Variants in EXOC4 observed in about 807,000 individuals in gnomAD.
The protein encoded by EXOC4 is SEC8-like 1.
EXOC4 carries 71 observed loss-of-function variants against 107.2 expected under a neutral mutation model. That is an observed-to-expected ratio of 0.66 (90% CI 0.55 to 0.81). The LOEUF (loss-of-function observed/expected upper bound fraction) is 0.81, where lower values mean the gene tolerates loss of function less well. Ranked by LOEUF, EXOC4 falls within the 30% of genes least tolerant of loss-of-function variation. The pLI is 0.00. For missense variants in EXOC4, 1,108 were observed against 1,189.6 expected, an observed-to-expected ratio of 0.93 and a Z score of 1.01; for synonymous variants, 456 against 441.2, an observed-to-expected ratio of 1.03 and a Z score of -0.42.
intron 10 of EXOC4, among the ~76,000 whole-genome samples, chr7:133,662,715 C>G (rs533164703): frequency 6.6e-5 from 10 of 151,292 alleles, no homozygotes; most frequent in African/African-American, 2.2e-4. Flanking sequence ...GTGTATAAAA[C>G]AAGAAAAAAA....
chr7:133,958,845 G>A (rs558370218), intron 14 of EXOC4, among the ~76,000 whole-genome samples: 1 of 152,284 alleles, frequency 6.6e-6, no homozygotes, highest in East Asian at 1.9e-4. Context: ...CTTGGACTGA[G>A]GGACATAAGT....
intron 15 of EXOC4, among the ~76,000 whole-genome samples, chr7:133,999,899 A>G (rs1794492564): frequency 6.6e-6 from 1 of 152,166 alleles, no homozygotes; most frequent in African/African-American, 2.4e-5. Context: ...AACATGCTTT[A>G]GTCATTAATT....
At chr7:133,691,055 A>T (rs570717246) in intron 10 of EXOC4, among the ~76,000 whole-genome samples, 1 of 152,338 alleles carries the variant, frequency 6.6e-6, no homozygotes, top group East Asian at 1.9e-4. Flanking sequence ...GCATCTGTTC[A>T]TTCTCACTTG....
the EXOC4 span, among the ~76,000 whole-genome samples, chr7:134,089,757 G>A: frequency 6.6e-6 from 1 of 151,972 alleles, no homozygotes; most frequent in African/African-American, 2.4e-5. Context: ...TTTTACTTTA[G>A]GACAAGAATT....
chr7:133,923,592 C>CTG (rs769578750), intron 13 of EXOC4, among the ~76,000 whole-genome samples: 25 of 152,278 alleles, frequency 1.6e-4, no homozygotes, highest in Non-Finnish European at 7.3e-5. Flanking sequence ...ATCTATTGCC[C>CTG]ATTTTAATTA....
intron 10 of EXOC4, among the ~76,000 whole-genome samples, chr7:133,752,782 G>A (rs1310560998): frequency 6.6e-6 from 1 of 152,222 alleles, no homozygotes. Flanking sequence ...ACGTGTAAAT[G>A]TTAACTTAAT....
intron 11 of EXOC4, among the ~76,000 whole-genome samples, chr7:133,866,116 C>T (rs1012280507): frequency 4.6e-5 from 7 of 152,124 alleles, no homozygotes; most frequent in African/African-American, 1.7e-4. Context: ...TAATAGTAGG[C>T]ACATTACTAT....
intron 7 of EXOC4, among the ~76,000 whole-genome samples, chr7:133,419,848 A>T (rs192259522): frequency 1.3e-5 from 2 of 152,120 alleles, no homozygotes; most frequent in East Asian, 3.9e-4. Context: ...GTGGGACAGG[A>T]GTCTGGGACG....
chr7:133,484,782 T>C (rs1289888132), intron 9 of EXOC4, among the ~76,000 whole-genome samples: 2 of 152,056 alleles, frequency 1.3e-5, no homozygotes, highest in East Asian at 3.9e-4. Context: ...AGTGATGTTT[T>C]AAAAAATCAT....
chr7:134,000,792 G>A (rs189232946), intron 15 of EXOC4, among the ~76,000 whole-genome samples: 3 of 152,228 alleles, frequency 2.0e-5, no homozygotes, highest in African/African-American at 7.2e-5. Flanking sequence ...GGCACTTTTA[G>A]CCAAGAAACC....
At chr7:134,038,367 T>C (rs1795439895) in intron 17 of EXOC4, among the ~76,000 whole-genome samples, 1 of 152,138 alleles carries the variant, frequency 6.6e-6, no homozygotes, top group African/African-American at 2.4e-5. Flanking sequence ...ATAAAAATAT[T>C]TTCCCAAGTG....
At chr7:133,260,036 CTTT>C (rs60953641) in intron 1 of EXOC4, among the ~76,000 whole-genome samples, 1 of 150,214 alleles carries the variant, frequency 6.7e-6, no homozygotes, top group Non-Finnish European at 1.5e-5. Context: ...TTTTCCAGTA[CTTT>C]TTTTTTTGTG....
intron 9 of EXOC4, chr7:133,484,023 T>C: frequency 6.2e-7 from 1 of 1,613,962 alleles, no homozygotes; most frequent in Non-Finnish European, 8.5e-7. Context: ...ATACGTCAAC[T>C]TTTCCTTCCG....
At chr7:133,299,604 G>T (rs1794598428) in intron 3 of EXOC4, among the ~76,000 whole-genome samples, 3 of 152,138 alleles carry the variant, frequency 2.0e-5, no homozygotes, top group African/African-American at 7.2e-5. Flanking sequence ...AATCTTTCAT[G>T]AAGGAAGAAG....
chr7:133,971,610 T>C (rs1007732269), intron 14 of EXOC4, among the ~76,000 whole-genome samples: 32 of 151,994 alleles, frequency 2.1e-4, no homozygotes, highest in African/African-American at 7.5e-4. Context: ...AAACAAACCT[T>C]TTTTAAAGGA....
At chr7:133,575,685 T>G (rs1460783538) in intron 9 of EXOC4, among the ~76,000 whole-genome samples, 3 of 152,154 alleles carry the variant, frequency 2.0e-5, no homozygotes, top group Non-Finnish European at 4.4e-5. Flanking sequence ...CAAAGAGGGT[T>G]TAAATCATAG....
At chr7:134,032,607 T>G (rs1795294795) in intron 17 of EXOC4, among the ~76,000 whole-genome samples, 1 of 152,222 alleles carries the variant, frequency 6.6e-6, no homozygotes, top group Non-Finnish European at 1.5e-5. Flanking sequence ...GGGAGTGCGG[T>G]GGCCACCTTT....
intron 9 of EXOC4, among the ~76,000 whole-genome samples, chr7:133,558,140 C>T (rs1214389218): frequency 1.3e-5 from 2 of 151,186 alleles, no homozygotes; most frequent in African/African-American, 2.4e-5. Flanking sequence ...AAAACACCCA[C>T]GGTGAAATAC....
rs1370857623 is a variant in EXOC4 at position 133,749,970 on chromosome 7, T to G, written c.1515-67355T>G. 3.4e-5 allele frequency among the ~76,000 whole-genome samples: 5 copies of G among 146,580 alleles called. No individual in the cohort carries two copies. In the South Asian group the frequency reaches 6.6e-4, roughly 19 times the overall value. ...GTGGTTGGCAGTTTTTTTTTTTTTT[T>G]TTTTTTTTTTTTTTTAACCAGTGGA... On this transcript the variant is annotated intron_variant, in intron 10 of 17. Transcript: ENST00000253861.
Sources: allele counts gnomAD v4.1 joint callset (sites outside exome capture counted in the v4.1 genomes callset), GRCh38; gene constraint gnomAD v4.1.1; transcripts MANE v1.5; gene names NCBI Gene and HGNC (gene_info 2026-07-23, HGNC 2026-07-21).